Variants in AXDND1 observed in about 807,000 individuals in gnomAD.
AXDND1 encodes the protein axonemal dynein light chain domain containing 1.
Under a neutral mutation model 137.5 loss-of-function variants are expected in AXDND1, and 110 were observed. The ratio of observed to expected loss-of-function variants is 0.80; its 90% CI spans 0.69 to 0.94. The LOEUF (loss-of-function observed/expected upper bound fraction) is 0.94, where lower values mean the gene tolerates loss of function less well. Ranked by LOEUF, AXDND1 falls within the 40% of genes least tolerant of loss-of-function variation. AXDND1 has a pLI of 0.00. For synonymous variants in AXDND1, 414 were observed against 399.7 expected, an observed-to-expected ratio of 1.04 and a Z score of -0.43; for missense variants, 1,191 against 1,169.8, an observed-to-expected ratio of 1.02 and a Z score of -0.26.
At chr1:179,433,229 A>G (rs961619101) in intron 15 of AXDND1, among the ~76,000 whole-genome samples, 2 of 151,946 alleles carry the variant, frequency 1.3e-5, no homozygotes, top group African/African-American at 2.4e-5. Context: ...CTCCTTTATC[A>G]TTTTTTATTG....
intron 25 of AXDND1, among the ~76,000 whole-genome samples, chr1:179,538,799 G>A (rs1343423029): frequency 6.6e-6 from 1 of 151,480 alleles, no homozygotes; most frequent in Non-Finnish European, 1.5e-5. Flanking sequence ...GGGTGTTAAA[G>A]TCTCCCACTA....
chr1:179,448,849 G>A lies in AXDND1; in HGVS notation c.1798+3645G>A, dbSNP rs114315289. ...GTTTAGTTCTTCTAAGAGTTTTATAGTTTTGCTCTTATATAATGGTATTTG... is the reference window on the plus strand; with the variant it reads ...GTTTAGTTCTTCTAAGAGTTTTATAATTTTGCTCTTATATAATGGTATTTG... On this transcript the variant is annotated intron_variant, in intron 16 of 25. Transcript: ENST00000367618. The A allele has an allele frequency of 9.8e-3, 1,594 of 162,788 alleles. 34 individuals are homozygous for A. The highest frequency in any genetic ancestry group is 0.035 in the African/African-American group (1,465 of 41,368). The allele number at this position is 162,788 out of a possible 1,614,324, so 10.1% of individuals were successfully genotyped here.
intron 21 of AXDND1, among the ~76,000 whole-genome samples, chr1:179,521,290 C>A (rs1407974056): frequency 6.6e-6 from 1 of 152,122 alleles, no homozygotes; most frequent in East Asian, 1.9e-4. Flanking sequence ...ACTAAATTCT[C>A]TTACTGTATT....
intron 15 of AXDND1, among the ~76,000 whole-genome samples, chr1:179,433,068 C>T (rs1657625523): frequency 6.6e-6 from 1 of 152,142 alleles, no homozygotes; most frequent in South Asian, 2.1e-4. Context: ...TTGGTCTGTT[C>T]AGGGATTCAA....
intron 25 of AXDND1, 107 bp downstream of exon 25, chr1:179,535,069 A>G: frequency 6.8e-7 from 1 of 1,480,894 alleles, no homozygotes; most frequent in Non-Finnish European, 9.3e-7. Flanking sequence ...GTGCTAATCT[A>G]CTAGTTTATA....
chr1:179,423,306 A>G (rs948071161), intron 12 of AXDND1, among the ~76,000 whole-genome samples: 2 of 152,108 alleles, frequency 1.3e-5, no homozygotes, highest in African/African-American at 4.8e-5. Context: ...TTCTACCCAT[A>G]AACTTTCAGT....
chr1:179,466,741 T>A (rs111552770), intron 16 of AXDND1, among the ~76,000 whole-genome samples: 1 of 152,204 alleles, frequency 6.6e-6, no homozygotes, highest in African/African-American at 2.4e-5. Context: ...TTTCTGTTTC[T>A]GATTGAATGT....
chr1:179,459,472 G>C (rs534716438), intron 16 of AXDND1, among the ~76,000 whole-genome samples: 1 of 152,172 alleles, frequency 6.6e-6, no homozygotes, highest in Non-Finnish European at 1.5e-5. Context: ...ACTTGTTTAA[G>C]GCTTGAGTCT....
intron 21 of AXDND1, among the ~76,000 whole-genome samples, chr1:179,510,138 T>C (rs764504981): frequency 6.6e-6 from 1 of 152,210 alleles, no homozygotes; most frequent in Non-Finnish European, 1.5e-5. Context: ...CTTTTCTGCC[T>C]CTTAAATGTT....
At chr1:179,553,534 T>C (rs1249468169) in intron 25 of AXDND1, among the ~76,000 whole-genome samples, 7 of 152,356 alleles carry the variant, frequency 4.6e-5, no homozygotes, top group Admixed American at 4.6e-4. Flanking sequence ...ATTCCATTTA[T>C]GTGAAATGTC....
In AXDND1 at chr1:179,486,139, A is replaced by AAAAAAAAAAAAAAAACT. The variant is rs149119239; in HGVS notation, c.2091+2920_2091+2921insAAAAAAAAAAAAACTAA. ...TGTCTCAAAAAAAAAAAAAAAAAAA[A>AAAAAAAAAAAAAAAACT]AACCTGATAGAAATGAAAAACACAC... On this transcript the variant is annotated intron_variant, in intron 18 of 25. Transcript: ENST00000367618. Among the ~76,000 whole-genome samples, 89 of 87,778 alleles carry AAAAAAAAAAAAAAAACT rather than the reference A, an allele frequency of 1.0e-3. 4 individuals carry two copies. Among genetic ancestry groups the AAAAAAAAAAAAAAAACT allele is most frequent in the African/African-American group, 2.1e-3 (57 of 26,946 alleles). 57.6% of individuals were successfully genotyped at this position (87,778 alleles called of 152,430 possible).
At chr1:179,477,039 T>C (rs1202701494) in intron 17 of AXDND1, among the ~76,000 whole-genome samples, 21 of 151,088 alleles carry the variant, frequency 1.4e-4, no homozygotes, top group Admixed American at 1.3e-3. Flanking sequence ...CTTTTTCCTC[T>C]TTATTTTTTG....
intron 21 of AXDND1, among the ~76,000 whole-genome samples, chr1:179,511,965 T>C (rs1669103362): frequency 6.6e-6 from 1 of 152,184 alleles, no homozygotes; most frequent in Non-Finnish European, 1.5e-5. Flanking sequence ...TGGATATTAG[T>C]CCTTTGTCAG....
intron 6 of AXDND1, among the ~76,000 whole-genome samples, chr1:179,381,778 T>C (rs1259163502): frequency 6.6e-6 from 1 of 152,030 alleles, no homozygotes; most frequent in Non-Finnish European, 1.5e-5. Flanking sequence ...TTTACTATCA[T>C]TATTTTATTT....
intron 11 of AXDND1, among the ~76,000 whole-genome samples, chr1:179,400,360 C>A (rs887238682): frequency 6.6e-6 from 1 of 151,348 alleles, no homozygotes; most frequent in African/African-American, 2.4e-5. Flanking sequence ...CTCACTGATA[C>A]GTGGGAGTTA....
At chr1:179,535,622 A>G (rs1458170985) in intron 25 of AXDND1, among the ~76,000 whole-genome samples, 1 of 152,196 alleles carries the variant, frequency 6.6e-6, no homozygotes, top group Non-Finnish European at 1.5e-5. Flanking sequence ...CCAGTCTATC[A>G]TTGATGGACA....
At chr1:179,468,251 A>T (rs1301818380) in intron 16 of AXDND1, among the ~76,000 whole-genome samples, 192 bp from the exon 17 acceptor site, 1 of 152,218 alleles carries the variant, frequency 6.6e-6, no homozygotes, top group East Asian at 1.9e-4. Flanking sequence ...TTAAAGCACC[A>T]ATTACACAGT....
intron 20 of AXDND1, among the ~76,000 whole-genome samples, chr1:179,507,525 G>A (rs1270368094): frequency 6.6e-6 from 1 of 152,146 alleles, no homozygotes; most frequent in Non-Finnish European, 1.5e-5. Flanking sequence ...AGGATACTTA[G>A]GGGCAGTGGT....
rs376289232 is a variant in AXDND1, at chr1:179,383,558, C to T, written c.741+14C>T. On this transcript the variant is annotated intron_variant, in intron 8 of 25. Transcript: ENST00000367618. ...GGACCAACGAAGGTAATTGCAAAGC[C>T]GAATGCAACCTGGTGGCTAAGAGCA... 22 of 1,590,330 alleles carry T rather than the reference C, an allele frequency of 1.4e-5. No individual in the cohort carries two copies. The South Asian group carries it at 1.4e-4, about 10-fold the overall frequency.
Sources: gnomAD v4.1 joint callset for allele counts (sites outside exome capture counted in the v4.1 genomes callset) on GRCh38, gnomAD v4.1.1 for gene constraint, MANE v1.5 for transcripts, NCBI Gene and HGNC (gene_info 2026-07-23, HGNC 2026-07-21) for gene names.